The following REV3L variants were observed in gnomAD, a reference collection of about 807,000 sequenced individuals.
The protein encoded by REV3L is REV3 like, DNA directed polymerase zeta catalytic subunit.
REV3L carries 69 observed loss-of-function variants against 299.4 expected under a neutral mutation model. The ratio of observed to expected loss-of-function variants is 0.23; its 90% CI spans 0.19 to 0.28. REV3L has a LOEUF of 0.28. REV3L is among the 10% of genes least tolerant of loss of function. The pLI, the probability that REV3L is intolerant of heterozygous loss-of-function variation, is 1.00. For missense variants in REV3L, 3,128 were observed against 3,693.8 expected, an observed-to-expected ratio of 0.85 and a Z score of 3.97; for synonymous variants, 1,238 against 1,271.4, an observed-to-expected ratio of 0.97 and a Z score of 0.56.
chr6:111,404,612 T>C (rs1783430306), intron 4 of REV3L, among the ~76,000 whole-genome samples: 1 of 152,210 alleles, frequency 6.6e-6, no homozygotes, highest in Non-Finnish European at 1.5e-5. Flanking sequence ...TAGGCTGCTC[T>C]GGTCTGTAAC....
chr6:111,452,469 T>A (rs1218749596), intron 1 of REV3L, among the ~76,000 whole-genome samples: 1 of 152,122 alleles, frequency 6.6e-6, no homozygotes, highest in Non-Finnish European at 1.5e-5. Context: ...GGTATATCCA[T>A]ATAATGGATA....
intron 16 of REV3L, among the ~76,000 whole-genome samples, chr6:111,359,810 C>T (rs941399753): frequency 6.6e-5 from 10 of 152,044 alleles, no homozygotes; most frequent in Non-Finnish European, 1.5e-4. Context: ...AAAACAGATT[C>T]CTGTTTCAAT....
Position 111,376,297 on chromosome 6 carries a change from C to T in REV3L, c.2058G>A (p.Lys686=). ...GGTGCATATGTATAAAAGGGGAATC[C>T]TTTTCGATTTTTCTAATGTTTGTAT... The part of the protein sequence containing the change: ...RKYTNIRKIE[K]DSPFIHMHRH... Residue 686 remains lysine (K), a synonymous_variant, in exon 13 of 32, where the codon AAG becomes AAA. Transcript: ENST00000368802. 1 of 1,613,456 alleles carries T rather than the reference C, an allele frequency of 6.2e-7. No homozygotes were observed. Among genetic ancestry groups the T allele is most frequent in the Non-Finnish European group, 8.5e-7 (1 of 1,179,810 alleles).
At chr6:111,348,908 G>A in intron 20 of REV3L, 1 of 168,048 alleles carries the variant, frequency 6.0e-6, no homozygotes, top group Non-Finnish European at 1.3e-5. Context: ...CCCTGCCTGG[G>A]CCTCCCAAAG....
chr6:111,319,976 T>C (rs1424382478), intron 26 of REV3L, among the ~76,000 whole-genome samples: 1 of 151,866 alleles, frequency 6.6e-6, no homozygotes, highest in East Asian at 1.9e-4. Flanking sequence ...ATTATAGGCA[T>C]GCACCACCAC....
chr6:111,441,627 C>T (rs1788274642), intron 1 of REV3L, among the ~76,000 whole-genome samples: 1 of 152,170 alleles, frequency 6.6e-6, no homozygotes, highest in African/African-American at 2.4e-5. Flanking sequence ...TTTAAATTAT[C>T]AATCTGACAA....
chr6:111,460,161 G>GGGGCCATTATCCTA (rs1790588014), intron 1 of REV3L: 3 of 151,934 alleles, frequency 2.0e-5, no homozygotes, highest in Non-Finnish European at 4.4e-5. Flanking sequence ...CAAACTAATG[G>GGGGCCATTATCCTA]AGAAACAGAA....
chr6:111,330,043 A>T (rs1271477381), intron 24 of REV3L, among the ~76,000 whole-genome samples: 1 of 152,196 alleles, frequency 6.6e-6, no homozygotes, highest in East Asian at 1.9e-4. Context: ...CTTCAGAGGG[A>T]AATTTTGTTC....
rs767620900 is a variant in REV3L, at chr6:111,373,595, C to G, written c.4760G>C (p.Arg1587Thr). 6.2e-7 allele frequency: 1 copy of G among 1,614,002 alleles called. No individual in the cohort carries two copies. The highest frequency in any genetic ancestry group is 2.2e-5 in the East Asian group (1 of 44,858). Residue 1587 changes from arginine (R) to threonine (T), a missense_variant, in exon 13 of 32, where the codon AGA becomes ACA. Physicochemically the swap from Arg to Thr is moderately conservative, Grantham distance 71. Around this residue, in one of 9 missense-constraint regions of REV3L, gnomAD observed 2,409 missense variants for 2,611.8 expected, o/e 0.92. Coordinates refer to ENST00000368802, the MANE Select transcript of REV3L (RefSeq NM_001372078.1). ...GATTTTTTCTTTTTGTTTTGTACTTCTGGGAGTTCGAGGTTTTCTTGGGGA... is the reference window on the plus strand; with the variant it reads ...GATTTTTTCTTTTTGTTTTGTACTTGTGGGAGTTCGAGGTTTTCTTGGGGA... Reference protein sequence around the residue: ...VTSPRKPRTPRSTKQKEKIPK... With the variant: ...VTSPRKPRTPTSTKQKEKIPK...
At position 111,374,918 on chromosome 6, in the gene REV3L, T is replaced by G; in HGVS notation, c.3437A>C (p.Glu1146Ala). The G allele has an allele frequency of 6.2e-7, 1 of 1,613,074 alleles. No individual in the cohort carries two copies. Among genetic ancestry groups the G allele is most frequent in the Middle Eastern group, 1.7e-4 (1 of 6,060 alleles). Residue 1146 changes from glutamate to alanine, a missense_variant, in exon 13 of 32, where the codon GAG becomes GCG. Transcript: ENST00000368802. ...ATTAGGACCCTTAAAAAGCATTGCCTCTTTTTCTGCAGCAGCCATGATTTC... is the reference window on the plus strand; with the variant it reads ...ATTAGGACCCTTAAAAAGCATTGCCGCTTTTTCTGCAGCAGCCATGATTTC... ...AEEIMAAAEK[E>A]AMLFKGPNVY...
chr6:111,430,761 G>T (rs1273213032), intron 1 of REV3L: 2 of 1,593,816 alleles, frequency 1.3e-6, no homozygotes, highest in South Asian at 2.2e-5. Context: ...AATTTAGAGA[G>T]AGCGCAGGAG....
intron 26 of REV3L, among the ~76,000 whole-genome samples, chr6:111,317,993 C>T (rs920764548): frequency 2.0e-5 from 3 of 152,128 alleles, no homozygotes; most frequent in African/African-American, 7.2e-5. Context: ...CACTGATAGA[C>T]GTTTAGATAT....
At chr6:111,319,614 C>T (rs1400990154) in intron 26 of REV3L, among the ~76,000 whole-genome samples, 4 of 152,024 alleles carry the variant, frequency 2.6e-5, no homozygotes, top group Admixed American at 6.6e-5. Flanking sequence ...TTACAGTCAA[C>T]GATAACTTAT....
chr6:111,385,804 C>A (rs114420559), intron 9 of REV3L, among the ~76,000 whole-genome samples: 4,580 of 151,960 alleles, frequency 0.03, 79 homozygotes, highest in South Asian at 0.079. Flanking sequence ...AAAATAAGCA[C>A]AAAATGTAAT....
intron 1 of REV3L, among the ~76,000 whole-genome samples, chr6:111,469,658 G>A (rs941089029): frequency 3.9e-5 from 6 of 152,128 alleles, no homozygotes; most frequent in African/African-American, 9.7e-5. Flanking sequence ...AAAGAGCCAC[G>A]CCTAGCCTGC....
At chr6:111,384,939 C>G (rs1388031828) in intron 9 of REV3L, among the ~76,000 whole-genome samples, 1 of 152,096 alleles carries the variant, frequency 6.6e-6, no homozygotes, top group African/African-American at 2.4e-5. Flanking sequence ...GAGATCATGC[C>G]ATTTCCAACA....
intron 30 of REV3L, 40 bp downstream of exon 30, chr6:111,309,813 T>C (rs1240333532): frequency 6.3e-7 from 1 of 1,577,602 alleles, no homozygotes; most frequent in Non-Finnish European, 8.6e-7. Flanking sequence ...GAGTGAAATC[T>C]CTCCATAGTT....
At chr6:111,393,566 C>G (rs1782160878) in intron 4 of REV3L, among the ~76,000 whole-genome samples, 1 of 152,176 alleles carries the variant, frequency 6.6e-6, no homozygotes, top group Non-Finnish European at 1.5e-5. Flanking sequence ...ACTACAGTCA[C>G]TCCTGTATGC....
At chr6:111,466,749 C>T (rs895569933) in intron 1 of REV3L, among the ~76,000 whole-genome samples, 4 of 151,960 alleles carry the variant, frequency 2.6e-5, no homozygotes, top group Non-Finnish European at 4.4e-5. Flanking sequence ...GACTGAAGCA[C>T]GAGAATCACT....
Sources: allele counts gnomAD v4.1 joint callset (sites outside exome capture counted in the v4.1 genomes callset), GRCh38; gene constraint gnomAD v4.1.1; regional missense constraint gnomAD v4.1.1; transcripts MANE v1.5; gene names NCBI Gene and HGNC (gene_info 2026-07-23, HGNC 2026-07-21).